Variants in SPPL3 observed in about 807,000 individuals in gnomAD.
The protein encoded by SPPL3 is signal peptide peptidase like 3.
Under a neutral mutation model 42.4 loss-of-function variants are expected in SPPL3, and 5 were observed. The ratio of observed to expected loss-of-function variants is 0.12; its 90% confidence interval spans 0.06 to 0.25. The LOEUF is 0.25. SPPL3 is among the 10% of genes least tolerant of loss of function. The probability of loss-of-function intolerance (pLI) is 1.00; values close to 1 mark genes in which losing one functional copy is unlikely to be tolerated. For missense variants in SPPL3, 235 were observed against 489.0 expected (o/e 0.48, Z 4.90); for synonymous variants, 195 against 181.8 (o/e 1.07, Z -0.58).
At chr12:120,880,029 ATTTTC>A (rs1396845532) in intron 1 of SPPL3, among the ~76,000 whole-genome samples, 1 of 143,838 alleles carries the variant, frequency 7.0e-6, no homozygotes, top group Non-Finnish European at 1.5e-5. Flanking sequence ...ATCCTACTTG[ATTTTC>A]TTTTAATTTT....
chr12:120,804,277 T>C (rs1294179000), intron 2 of SPPL3, among the ~76,000 whole-genome samples: 1 of 152,134 alleles, frequency 6.6e-6, no homozygotes, highest in Non-Finnish European at 1.5e-5. Context: ...AAGAGGAACA[T>C]TTTATAAAAG....
intron 6 of SPPL3, among the ~76,000 whole-genome samples, chr12:120,770,814 A>G (rs1333368235): frequency 1.3e-5 from 2 of 152,160 alleles, no homozygotes; most frequent in Non-Finnish European, 2.9e-5. Flanking sequence ...TTTAATTTCC[A>G]GCCTGAATCT....
Position 120,764,746 on chromosome 12 carries a change from A to C in SPPL3, c.*253T>G. ...GCAGATCCATAAAAACGTGGGAGGA[A>C]GGCGCGCTGGGGAGAGGCCTGTCCC... is the stretch of plus-strand genomic sequence containing the variant. On this transcript the variant is annotated 3_prime_UTR_variant, in exon 11 of 11. Transcript: ENST00000353487. 1 of 431,816 alleles carries C rather than the reference A, an allele frequency of 2.3e-6. No homozygotes were observed. Among genetic ancestry groups the C allele is most frequent in the Non-Finnish European group, 4.1e-6 (1 of 245,108 alleles). 26.7% of individuals were successfully genotyped at this position (431,816 alleles called of 1,614,324 possible).
In SPPL3 at chr12:120,766,250, C is replaced by T. The variant is rs1301689005; in HGVS notation, c.1083+13G>A. On this transcript the variant is annotated intron_variant, in intron 10 of 10. Transcript: ENST00000353487. ...AGTTATTGCTTTCACAGGTTTATAA[C>T]TGCTGCTCTCACCTTTAAATAGGCC... is the stretch of plus-strand genomic sequence containing the variant. 10 of 1,559,882 alleles carry T rather than the reference C, an allele frequency of 6.4e-6. No individual in the cohort carries two copies. In the African/African-American group the frequency reaches 1.1e-4, roughly 17 times the overall value.
chr12:120,884,808 G>GGGTTTTTTTTTTTTTTTTTT (rs35074232), intron 1 of SPPL3, among the ~76,000 whole-genome samples: 1 of 137,508 alleles, frequency 7.3e-6, no homozygotes. Flanking sequence ...TTTTTTTTGG[G>GGGTTTTTTTTTTTTTTTTTT]TTTTTTTTTT....
chr12:120,849,000 C>CA (rs1258017273), intron 1 of SPPL3, among the ~76,000 whole-genome samples: 3 of 151,608 alleles, frequency 2.0e-5, no homozygotes, highest in Non-Finnish European at 4.4e-5. Flanking sequence ...TCCATCTCTA[C>CA]AAAAAATTTA....
intron 1 of SPPL3, among the ~76,000 whole-genome samples, chr12:120,867,794 A>G (rs1008207564): frequency 3.3e-5 from 5 of 152,026 alleles, no homozygotes; most frequent in African/African-American, 7.2e-5. Flanking sequence ...TGTCCAGGCT[A>G]AAGTGCAGAG....
At chr12:120,881,304 A>C (rs1215735298) in intron 1 of SPPL3, among the ~76,000 whole-genome samples, 1 of 151,264 alleles carries the variant, frequency 6.6e-6, no homozygotes, top group Non-Finnish European at 1.5e-5. Context: ...CCCTGTTGCT[A>C]CTAAAAATAC....
intron 1 of SPPL3, among the ~76,000 whole-genome samples, chr12:120,874,596 T>C (rs1474855819): frequency 6.6e-6 from 1 of 152,028 alleles, no homozygotes; most frequent in Non-Finnish European, 1.5e-5. Context: ...AGCAGTGTGG[T>C]AGACTATATT....
intron 1 of SPPL3, among the ~76,000 whole-genome samples, chr12:120,890,790 T>C (rs923946165): frequency 2.0e-5 from 3 of 152,116 alleles, no homozygotes; most frequent in Admixed American, 1.3e-4. Context: ...ATATTCTACA[T>C]ATACACACAA....
At chr12:120,898,993 C>T (rs1230312111) in intron 1 of SPPL3, among the ~76,000 whole-genome samples, 2 of 152,154 alleles carry the variant, frequency 1.3e-5, no homozygotes, top group African/African-American at 2.4e-5. Context: ...CATCAAGAGA[C>T]GAGTTCCCGT....
chr12:120,799,509 T>C (rs1318498325), intron 2 of SPPL3, among the ~76,000 whole-genome samples: 3 of 152,110 alleles, frequency 2.0e-5, no homozygotes, highest in Non-Finnish European at 4.4e-5. Context: ...TTTCTTAGCA[T>C]CTAACTGACA....
rs1028873575 is a variant in SPPL3, at chr12:120,894,643, T to A, written c.23+9202A>T. Among the ~76,000 whole-genome samples the A allele has an allele frequency of 5.9e-5, 9 of 152,182 alleles. No homozygotes were observed. The South Asian group carries it at 1.9e-3, about 32-fold the overall frequency. On this transcript the variant is annotated intron_variant, in intron 1 of 10. Coordinates refer to ENST00000353487, the MANE Select transcript of SPPL3 (RefSeq NM_139015.5). Reference sequence around the variant, plus strand: ...TGTGCCTGTCAGGCATGGTGTGGGATAAGGAAACAGATAAACTACTGGCCA... The same window carrying A: ...TGTGCCTGTCAGGCATGGTGTGGGAAAAGGAAACAGATAAACTACTGGCCA...
intron 1 of SPPL3, among the ~76,000 whole-genome samples, chr12:120,819,645 C>T (rs1870988357): frequency 1.3e-5 from 2 of 152,108 alleles, no homozygotes. Flanking sequence ...AATGACTGCA[C>T]AAGTGGTTTC....
chr12:120,783,641 T>G (rs779370801), intron 5 of SPPL3, 33 bp downstream of exon 5: 1 of 1,546,376 alleles, frequency 6.5e-7, no homozygotes, highest in Non-Finnish European at 8.8e-7. Flanking sequence ...ATATACAAGT[T>G]TATAATTTAA....
chr12:120,845,420 CCA>C (rs1286297312), intron 1 of SPPL3: 8 of 394,208 alleles, frequency 2.0e-5, no homozygotes, highest in African/African-American at 1.3e-4. Flanking sequence ...AGTAGTGGCA[CCA>C]CAGAGGCCGG....
intron 1 of SPPL3, among the ~76,000 whole-genome samples, chr12:120,879,202 G>A (rs1376886213): frequency 2.0e-5 from 3 of 151,210 alleles, no homozygotes; most frequent in African/African-American, 7.3e-5. Context: ...GACAGGGGAA[G>A]CTGCAGTCAC....
chr12:120,789,221 A>G (rs1031134336), intron 3 of SPPL3, among the ~76,000 whole-genome samples: 1 of 151,548 alleles, frequency 6.6e-6, no homozygotes, highest in Admixed American at 6.6e-5. Flanking sequence ...TGGGAGGCCA[A>G]CACTGGAGGA....
chr12:120,824,968 T>C (rs1871193804), intron 1 of SPPL3, among the ~76,000 whole-genome samples: 1 of 152,144 alleles, frequency 6.6e-6, no homozygotes, highest in African/African-American at 2.4e-5. Context: ...TAACTGCAGA[T>C]GGAATGGAAC....
Sources: gnomAD v4.1 joint callset for allele counts (sites outside exome capture counted in the v4.1 genomes callset) on GRCh38, gnomAD v4.1.1 for gene constraint, MANE v1.5 for transcripts, NCBI Gene and HGNC (gene_info 2026-07-23, HGNC 2026-07-21) for gene names.